The following CLVS1 variants were observed in gnomAD, a reference collection of about 807,000 sequenced individuals.
CLVS1 encodes clavesin-1.
Under a neutral mutation model 33.1 loss-of-function variants are expected in CLVS1, and 10 were observed. That is an observed-to-expected ratio of 0.30 (90% CI 0.19 to 0.51). CLVS1 has a LOEUF of 0.51. Among genes scored for constraint, CLVS1 ranks in the 20% least tolerant of loss-of-function variants. CLVS1 has a pLI of 0.97. For synonymous variants in CLVS1, 163 were observed against 166.1 expected (o/e 0.98, Z 0.14); for missense variants, 343 against 433.4 (o/e 0.79, Z 1.85).
chr8:61,336,211 G>C (rs986066086), intron 2 of CLVS1, among the ~76,000 whole-genome samples: 3 of 152,148 alleles, frequency 2.0e-5, no homozygotes, highest in South Asian at 4.1e-4. Context: ...TCCTCCTTGA[G>C]AACATGCAGG....
chr8:61,442,359 A>T (rs1296556834), intron 3 of CLVS1, among the ~76,000 whole-genome samples: 1 of 152,196 alleles, frequency 6.6e-6, no homozygotes, highest in South Asian at 2.1e-4. Context: ...GGGACATGTG[A>T]GTTGTTTCCA....
intron 2 of CLVS1, among the ~76,000 whole-genome samples, chr8:61,193,347 A>C (rs952129784): frequency 3.3e-5 from 5 of 152,106 alleles, no homozygotes; most frequent in Admixed American, 1.3e-4. Context: ...AGGAAGGGGA[A>C]CATCACACAC....
At chr8:61,270,013 C>G (rs1809401089) in intron 2 of CLVS1, among the ~76,000 whole-genome samples, 1 of 151,116 alleles carries the variant, frequency 6.6e-6, no homozygotes, top group Non-Finnish European at 1.5e-5. Context: ...ATTTCCTTCT[C>G]CTGCCTAATT....
chr8:61,210,706 T>TAA (rs1807952582), intron 2 of CLVS1, among the ~76,000 whole-genome samples: 1 of 152,242 alleles, frequency 6.6e-6, no homozygotes, highest in African/African-American at 2.4e-5. Context: ...CGAGGAGAAA[T>TAA]AAGTCCTGCC....
chr8:61,100,789 C>T (rs529781702), intron 1 of CLVS1, among the ~76,000 whole-genome samples: 1 of 152,266 alleles, frequency 6.6e-6, no homozygotes, highest in South Asian at 2.1e-4. Context: ...TTTTCTATCT[C>T]TGTGGATTTG....
intron 2 of CLVS1, among the ~76,000 whole-genome samples, chr8:61,369,662 T>G (rs16927203): frequency 0.017 from 2,589 of 152,320 alleles, 85 homozygotes; most frequent in African/African-American, 0.058. Context: ...ACGTATTATT[T>G]TGGATAGTGC....
At chr8:61,474,607 T>A (rs1817846498) in intron 5 of CLVS1, among the ~76,000 whole-genome samples, 1 of 151,984 alleles carries the variant, frequency 6.6e-6, no homozygotes. Flanking sequence ...AATTGGAAGG[T>A]GTAGGAGAGG....
At chr8:60,973,317 C>T in the CLVS1 span, among the ~76,000 whole-genome samples, 2 of 152,122 alleles carry the variant, frequency 1.3e-5, no homozygotes, top group Admixed American at 6.5e-5. Flanking sequence ...TTAAACTTAC[C>T]TTCTGCTTTT....
intron 1 of CLVS1, among the ~76,000 whole-genome samples, chr8:61,062,961 C>T (rs1251165748): frequency 6.6e-6 from 1 of 152,088 alleles, no homozygotes; most frequent in East Asian, 1.9e-4. Flanking sequence ...TATTGTGTAT[C>T]AGACTCTCTG....
At chr8:61,075,633 A>G (rs1585591178) in intron 1 of CLVS1, among the ~76,000 whole-genome samples, 1 of 152,274 alleles carries the variant, frequency 6.6e-6, no homozygotes, top group East Asian at 1.9e-4. Context: ...TCTGATAAAT[A>G]TGAATGACTG....
chr8:61,376,290 A>G (rs1163572406), intron 2 of CLVS1, among the ~76,000 whole-genome samples: 1 of 152,230 alleles, frequency 6.6e-6, no homozygotes, highest in Non-Finnish European at 1.5e-5. Context: ...AAGATGGGTA[A>G]GGGATGCATT....
intron 2 of CLVS1, among the ~76,000 whole-genome samples, chr8:61,153,107 C>T (rs1563422907): frequency 6.6e-6 from 1 of 151,964 alleles, no homozygotes; most frequent in African/African-American, 2.4e-5. Context: ...CAGAGCGAGA[C>T]CCTGTCTCAA....
At chr8:61,020,212 T>C in the CLVS1 span, among the ~76,000 whole-genome samples, 1 of 152,200 alleles carries the variant, frequency 6.6e-6, no homozygotes, top group Admixed American at 6.5e-5. Flanking sequence ...TCTATTCTCA[T>C]TTTGGGGGAA....
rs763560377 is a variant in CLVS1, at chr8:61,300,308, G to T, written c.455+26G>T. On this transcript the variant is annotated intron_variant, in intron 2 of 5. Transcript: ENST00000325897. ...GTAAATGTAGATAGTGTCTTTACTT[G>T]GTTTTTCTTTGCTATAAGCATTATC... The T allele has an allele frequency of 3.8e-6, 6 of 1,577,158 alleles. No individual in the cohort carries two copies. The South Asian group carries it at 5.8e-5, about 15-fold the overall frequency.
the CLVS1 span, among the ~76,000 whole-genome samples, chr8:61,002,496 A>AT: frequency 2.3e-4 from 34 of 150,898 alleles, no homozygotes; most frequent in Admixed American, 5.9e-4. Flanking sequence ...GCCCGGCTAA[A>AT]TTTTTTTTGT....
chr8:61,274,434 T>C (rs185496448), intron 2 of CLVS1, among the ~76,000 whole-genome samples: 29 of 152,324 alleles, frequency 1.9e-4, no homozygotes, highest in African/African-American at 6.5e-4. Flanking sequence ...TTCTCTACCC[T>C]GGTGAATCAC....
chr8:61,067,373 G>T (rs1307599115), intron 1 of CLVS1, among the ~76,000 whole-genome samples: 6 of 150,006 alleles, frequency 4.0e-5, no homozygotes, highest in Non-Finnish European at 5.9e-5. Context: ...TATATAATGT[G>T]TGTGTACATA....
At chr8:60,985,174 G>C in the CLVS1 span, among the ~76,000 whole-genome samples, 1 of 152,194 alleles carries the variant, frequency 6.6e-6, no homozygotes, top group East Asian at 1.9e-4. Flanking sequence ...TTGGTCCAAG[G>C]ATTCTGTCAC....
chr8:60,968,796 G>A, the CLVS1 span, among the ~76,000 whole-genome samples: 2 of 151,870 alleles, frequency 1.3e-5, no homozygotes, highest in Non-Finnish European at 2.9e-5. Context: ...GGCTGAGGTG[G>A]GAGAATCACT....
Sources: allele counts gnomAD v4.1 joint callset (sites outside exome capture counted in the v4.1 genomes callset), GRCh38; gene constraint gnomAD v4.1.1; transcripts MANE v1.5; gene names NCBI Gene and HGNC (gene_info 2026-07-23, HGNC 2026-07-21).